The following COL4A1 variants were observed in gnomAD, a reference collection of about 807,000 sequenced individuals.
COL4A1 encodes collagen alpha-1(IV) chain.
A neutral mutation model predicts 216.6 loss-of-function variants in COL4A1; 40 were observed. The ratio of observed to expected loss-of-function variants is 0.18; its 90% CI spans 0.14 to 0.24. COL4A1 has a LOEUF of 0.24. COL4A1 is among the 10% of genes least tolerant of loss of function. The pLI, the probability that COL4A1 is intolerant of heterozygous loss-of-function variation, is 1.00. For synonymous variants in COL4A1, 839 were observed against 810.7 expected (o/e 1.03, Z -0.59); for missense variants, 1,628 against 2,196.8 (o/e 0.74, Z 5.18).
intron 1 of COL4A1, among the ~76,000 whole-genome samples, chr13:110,272,502 G>T (rs932672426): frequency 6.6e-6 from 1 of 152,102 alleles, no homozygotes; most frequent in African/African-American, 2.4e-5. Context: ...TCACCTGTGG[G>T]CGTGGCAGGT....
chr13:110,270,212 C>T (rs148116511), intron 1 of COL4A1, among the ~76,000 whole-genome samples: 21 of 152,324 alleles, frequency 1.4e-4, no homozygotes, highest in African/African-American at 4.6e-4. Flanking sequence ...TGAAACTGAC[C>T]TGTGTTCATC....
At chr13:110,286,398 G>A (rs1197525295) in intron 1 of COL4A1, among the ~76,000 whole-genome samples, 2 of 152,234 alleles carry the variant, frequency 1.3e-5, no homozygotes, top group Admixed American at 6.5e-5. Flanking sequence ...ATGCCTGGAG[G>A]GGCCCGCTGT....
intron 19 of COL4A1, 116 bp from the exon 20 acceptor site, chr13:110,201,005 G>A (rs1049903528): frequency 4.3e-6 from 5 of 1,166,652 alleles, no homozygotes; most frequent in Non-Finnish European, 6.4e-6. Context: ...ATGGCCAAAG[G>A]GAACGTAGAA....
At chr13:110,272,579 A>C (rs980683943) in intron 1 of COL4A1, among the ~76,000 whole-genome samples, 1 of 152,000 alleles carries the variant, frequency 6.6e-6, no homozygotes, top group Non-Finnish European at 1.5e-5. Flanking sequence ...TCTAAAAGAA[A>C]AGGGGGGGAA....
chr13:110,151,801 G>A (rs1051577204), intron 51 of COL4A1, among the ~76,000 whole-genome samples: 1 of 152,182 alleles, frequency 6.6e-6, no homozygotes, highest in Non-Finnish European at 1.5e-5. Context: ...AGCCACTTGG[G>A]CCAGTCATTT....
In COL4A1 at chr13:110,153,330, G is replaced by A. The variant is rs377526111; in HGVS notation, c.4756-824C>T. Among the ~76,000 whole-genome samples, 11 of 152,322 alleles carry A rather than the reference G, an allele frequency of 7.2e-5. No individual in the cohort carries two copies. In the East Asian group the frequency reaches 9.6e-4, roughly 13 times the overall value. On this transcript the variant is annotated intron_variant, in intron 50 of 51. Transcript: ENST00000375820. ...TCCAGACCTCCAGATCAGAGCCACC[G>A]TCCTGAGAACTCAGAGGAGGTGCTG...
chr13:110,306,235 G>C (rs549834349), intron 1 of COL4A1, among the ~76,000 whole-genome samples: 21 of 152,316 alleles, frequency 1.4e-4, no homozygotes, highest in African/African-American at 4.8e-4. Context: ...ATGGAACAAT[G>C]ACATGGAGTT....
At chr13:110,241,843 G>T (rs1881583140) in intron 2 of COL4A1, among the ~76,000 whole-genome samples, 1 of 152,216 alleles carries the variant, frequency 6.6e-6, no homozygotes, top group South Asian at 2.1e-4. Context: ...AGGGAAGTAA[G>T]AATTCACACG....
At chr13:110,182,420 A>T (rs1878210249) in intron 28 of COL4A1, among the ~76,000 whole-genome samples, 1 of 152,148 alleles carries the variant, frequency 6.6e-6, no homozygotes, top group Non-Finnish European at 1.5e-5. Context: ...TGCTCACAGC[A>T]CCTTCTCCTC....
At chr13:110,243,367 G>C (rs944441444) in intron 1 of COL4A1, among the ~76,000 whole-genome samples, 1 of 151,758 alleles carries the variant, frequency 6.6e-6, no homozygotes, top group Non-Finnish European at 1.5e-5. Flanking sequence ...GCCCAGGCTG[G>C]AGTGCAATGG....
chr13:110,229,411 G>A (rs751026875), intron 2 of COL4A1, among the ~76,000 whole-genome samples: 34 of 152,068 alleles, frequency 2.2e-4, no homozygotes, highest in Non-Finnish European at 3.8e-4. Context: ...TGAATGACTC[G>A]AATTTTTTCA....
At chr13:110,274,907 G>C (rs950045416) in intron 1 of COL4A1, among the ~76,000 whole-genome samples, 2 of 152,308 alleles carry the variant, frequency 1.3e-5, no homozygotes, top group African/African-American at 4.8e-5. Context: ...CTACTTAAAT[G>C]TTGCAGCACC....
chr13:110,286,970 G>A (rs186911582), intron 1 of COL4A1, among the ~76,000 whole-genome samples: 126 of 152,302 alleles, frequency 8.3e-4, no homozygotes, highest in African/African-American at 2.4e-3. Flanking sequence ...GTTTGGAAAC[G>A]ACACAAAACT....
At chr13:110,219,924 A>G (rs1388949807) in intron 2 of COL4A1, among the ~76,000 whole-genome samples, 4 of 112,694 alleles carry the variant, frequency 3.5e-5, no homozygotes, top group African/African-American at 1.4e-4. Context: ...GTGTATATAT[A>G]TGTATGTATA....
At chr13:110,222,498 G>T (rs1450861847) in intron 2 of COL4A1, among the ~76,000 whole-genome samples, 2 of 136,696 alleles carry the variant, frequency 1.5e-5, no homozygotes, top group South Asian at 4.7e-4. Flanking sequence ...TTCAGGCCGG[G>T]CGCGGTGGCT....
intron 45 of COL4A1, 42 bp downstream of exon 45, chr13:110,166,190 A>G (rs943598797): frequency 1.6e-6 from 2 of 1,222,648 alleles, no homozygotes; most frequent in African/African-American, 3.0e-5. Context: ...ACATTTTCAC[A>G]AAGCACCAGT....
chr13:110,276,323 T>A (rs1403978027), intron 1 of COL4A1, among the ~76,000 whole-genome samples: 1 of 152,222 alleles, frequency 6.6e-6, no homozygotes, highest in East Asian at 1.9e-4. Flanking sequence ...CATAATTGTT[T>A]TATTGTTGAC....
chr13:110,257,924 GA>G (rs1319677104), intron 1 of COL4A1, among the ~76,000 whole-genome samples: 6 of 152,178 alleles, frequency 3.9e-5, no homozygotes, highest in Admixed American at 3.9e-4. Context: ...AAATAAATAA[GA>G]AATACATAAA....
chr13:110,218,874 T>C (rs960425112), intron 2 of COL4A1, among the ~76,000 whole-genome samples: 4 of 152,168 alleles, frequency 2.6e-5, no homozygotes, highest in Admixed American at 6.5e-5. Context: ...GCCCTCACAT[T>C]TGAAGCCAGA....
Sources: gnomAD v4.1 joint callset for allele counts (sites outside exome capture counted in the v4.1 genomes callset) on GRCh38, gnomAD v4.1.1 for gene constraint, MANE v1.5 for transcripts, NCBI Gene and HGNC (gene_info 2026-07-23, HGNC 2026-07-21) for gene names.